Variants in ITPR1 observed in about 807,000 individuals in gnomAD.
ITPR1 encodes inositol 1,4,5-trisphosphate-gated calcium channel ITPR1.
Under a neutral mutation model 318.4 loss-of-function variants are expected in ITPR1, and 96 were observed. The ratio of observed to expected loss-of-function variants is 0.30; its 90% CI spans 0.26 to 0.36. ITPR1 has a LOEUF of 0.36. Ranked by LOEUF, ITPR1 falls within the 10% of genes least tolerant of loss-of-function variation. The pLI is 1.00. For missense variants in ITPR1, 2,440 were observed against 3,460.2 expected, an observed-to-expected ratio of 0.71 and a Z score of 7.40; for synonymous variants, 1,312 against 1,289.9, an observed-to-expected ratio of 1.02 and a Z score of -0.37.
At chr3:4,632,589 G>T (rs774154363) in intron 5 of ITPR1, among the ~76,000 whole-genome samples, 8 of 152,122 alleles carry the variant, frequency 5.3e-5, no homozygotes, top group Non-Finnish European at 8.8e-5. Flanking sequence ...ATTTTAAAAA[G>T]ATGTTGGGAA....
At chr3:4,674,614 A>G (rs1418120245) in intron 22 of ITPR1, among the ~76,000 whole-genome samples, 1 of 152,246 alleles carries the variant, frequency 6.6e-6, no homozygotes, top group Non-Finnish European at 1.5e-5. Context: ...AAAACTGACA[A>G]GAGAGAAACA....
At chr3:4,838,421 C>T (rs1024245840) in intron 61 of ITPR1, among the ~76,000 whole-genome samples, 2 of 151,622 alleles carry the variant, frequency 1.3e-5, no homozygotes, top group Non-Finnish European at 2.9e-5. Context: ...CTGGCACTGC[C>T]CCCCCAACCC....
At chr3:4,795,297 T>C in intron 53 of ITPR1, 110 bp downstream of exon 53, 1 of 934,616 alleles carries the variant, frequency 1.1e-6, no homozygotes, top group Non-Finnish European at 1.5e-6. Flanking sequence ...GGATCCCAGT[T>C]ATCCACATTC....
intron 5 of ITPR1, among the ~76,000 whole-genome samples, chr3:4,636,719 A>G (rs1041181498): frequency 8.5e-5 from 13 of 152,230 alleles, no homozygotes; most frequent in African/African-American, 3.1e-4. Context: ...ATGAGCCACC[A>G]CTCCTGGCCA....
chr3:4,707,155 T>C (rs964446201), intron 37 of ITPR1, among the ~76,000 whole-genome samples: 3 of 152,188 alleles, frequency 2.0e-5, no homozygotes, highest in African/African-American at 7.2e-5. Flanking sequence ...CCTCGTGGGG[T>C]TGATGTGAGG....
rs781770702 is a variant in ITPR1, at chr3:4,725,559, C to T, written c.5150C>T (p.Pro1717Leu). ...ELDNAELPPA[P>L]DSENATEELE... ...ACTCCCAATTAGCTTCCTCCAGCTC[C>T]GGATTCTGAGAACGCCACTGAGGTG... Residue 1717 changes from proline (P) to leucine (L), a missense_variant, in exon 41 of 62, where the codon CCG becomes CTG. Physicochemically the swap from Pro to Leu is moderately conservative, Grantham distance 98. Coordinates refer to ENST00000649015, the MANE Select transcript of ITPR1 (RefSeq NM_001378452.1). The T allele has an allele frequency of 2.0e-5, 32 of 1,599,088 alleles. No individual in the cohort carries two copies. Among genetic ancestry groups the T allele is most frequent in the Middle Eastern group, 1.6e-4 (1 of 6,082 alleles).
chr3:4,643,258 A>G (rs757092053), intron 7 of ITPR1, among the ~76,000 whole-genome samples: 7 of 152,238 alleles, frequency 4.6e-5, no homozygotes, highest in Non-Finnish European at 1.0e-4. Flanking sequence ...ATTCAATTGT[A>G]TATGCTCCTC....
intron 40 of ITPR1, among the ~76,000 whole-genome samples, chr3:4,723,096 C>T (rs918597361): frequency 2.6e-5 from 4 of 152,228 alleles, no homozygotes; most frequent in East Asian, 1.9e-4. Flanking sequence ...TGCAGTGAGC[C>T]GAGATCATGC....
chr3:4,525,835 CT>C (rs2082935947), intron 4 of ITPR1, among the ~76,000 whole-genome samples: 1 of 152,148 alleles, frequency 6.6e-6, no homozygotes, highest in African/African-American at 2.4e-5. Context: ...CCTCTTCCCA[CT>C]TTTACCAGTC....
intron 44 of ITPR1, among the ~76,000 whole-genome samples, chr3:4,752,716 C>T (rs1444560007): frequency 4.6e-5 from 7 of 152,166 alleles, no homozygotes; most frequent in Admixed American, 4.6e-4. Context: ...CCAAGCTGGC[C>T]TTGAACTCCT....
intron 59 of ITPR1, among the ~76,000 whole-genome samples, chr3:4,816,454 C>G (rs186524722): frequency 6.6e-6 from 1 of 152,190 alleles, no homozygotes; most frequent in African/African-American, 2.4e-5. Flanking sequence ...ACTAGTATCT[C>G]GGCTCACTGT....
At chr3:4,719,705 T>C (rs1037405652) in intron 40 of ITPR1, among the ~76,000 whole-genome samples, 1 of 152,202 alleles carries the variant, frequency 6.6e-6, no homozygotes, top group African/African-American at 2.4e-5. Context: ...TGAGGCCCTG[T>C]CAGTGCTCTG....
chr3:4,745,132 C>T (rs1441162546), intron 44 of ITPR1, among the ~76,000 whole-genome samples: 2 of 148,878 alleles, frequency 1.3e-5, no homozygotes. Context: ...CCCTCCCTCC[C>T]TCTCTTCCTC....
intron 10 of ITPR1, among the ~76,000 whole-genome samples, chr3:4,649,391 A>G (rs1368122973): frequency 3.3e-5 from 5 of 152,224 alleles, no homozygotes; most frequent in Non-Finnish European, 1.5e-5. Flanking sequence ...AAAAGAGGGA[A>G]GACAACACCA....
At chr3:4,696,071 G>A (rs1323694379) in intron 33 of ITPR1, among the ~76,000 whole-genome samples, 2 of 152,008 alleles carry the variant, frequency 1.3e-5, no homozygotes, top group African/African-American at 4.8e-5. Flanking sequence ...CAATTTGATG[G>A]TTGTATGATA....
intron 59 of ITPR1, among the ~76,000 whole-genome samples, chr3:4,815,715 G>C (rs2049250320): frequency 6.6e-6 from 1 of 151,984 alleles, no homozygotes; most frequent in Non-Finnish European, 1.5e-5. Context: ...ACTAATCATG[G>C]AGGAATCTGG....
chr3:4,716,693 C>G (rs1398139913), intron 39 of ITPR1, among the ~76,000 whole-genome samples: 4 of 152,192 alleles, frequency 2.6e-5, no homozygotes, highest in African/African-American at 9.6e-5. Context: ...AATAAAAAAT[C>G]AGTTGAGGAT....
At chr3:4,503,298 C>T (rs955721896) in intron 2 of ITPR1, among the ~76,000 whole-genome samples, 1 of 152,068 alleles carries the variant, frequency 6.6e-6, no homozygotes, top group African/African-American at 2.4e-5. Context: ...TGGTATTGCC[C>T]TGGTGAGCCA....
At chr3:4,665,325 T>C in intron 17 of ITPR1, 29 bp downstream of exon 17, 4 of 1,583,898 alleles carry the variant, frequency 2.5e-6, no homozygotes, top group Non-Finnish European at 2.6e-6. Context: ...TGGGATGTGG[T>C]TGTCAGTTTC....
Sources: allele counts gnomAD v4.1 joint callset (sites outside exome capture counted in the v4.1 genomes callset), GRCh38; gene constraint gnomAD v4.1.1; transcripts MANE v1.5; gene names NCBI Gene and HGNC (gene_info 2026-07-23, HGNC 2026-07-21).